The following CACNG2 variants were observed in gnomAD, a reference collection of about 807,000 sequenced individuals.
CACNG2 encodes calcium voltage-gated channel auxiliary subunit gamma 2, also known as voltage-dependent calcium channel gamma-2 subunit.
CACNG2 carries 3 observed loss-of-function variants against 25.9 expected under a neutral mutation model. That is an observed-to-expected ratio of 0.12 (90% CI 0.05 to 0.30). The LOEUF (loss-of-function observed/expected upper bound fraction) is 0.30. Among genes scored for constraint, CACNG2 ranks in the 10% least tolerant of loss-of-function variants. The pLI is 1.00. For synonymous variants in CACNG2, 167 were observed against 173.3 expected, an observed-to-expected ratio of 0.96 and a Z score of 0.29; for missense variants, 341 against 432.5, an observed-to-expected ratio of 0.79 and a Z score of 1.88.
intron 1 of CACNG2, among the ~76,000 whole-genome samples, chr22:36,674,276 G>A (rs1936993979): frequency 1.3e-5 from 2 of 152,210 alleles, no homozygotes; most frequent in South Asian, 4.1e-4. Context: ...CCTCAGCATG[G>A]ACTGGAGATA....
chr22:36,680,742 C>G (rs932597370), intron 1 of CACNG2, among the ~76,000 whole-genome samples: 2 of 147,774 alleles, frequency 1.4e-5, no homozygotes, highest in Non-Finnish European at 3.0e-5. Flanking sequence ...ACCATCACCA[C>G]CACCACTACC....
intron 2 of CACNG2, among the ~76,000 whole-genome samples, chr22:36,581,022 C>T (rs1357661606): frequency 2.0e-5 from 3 of 152,136 alleles, no homozygotes; most frequent in East Asian, 3.9e-4. Flanking sequence ...CATGGATGCA[C>T]GCTTGACATT....
intron 3 of CACNG2, among the ~76,000 whole-genome samples, chr22:36,565,341 T>G (rs1426976738): frequency 6.6e-6 from 1 of 152,244 alleles, no homozygotes; most frequent in South Asian, 2.1e-4. Flanking sequence ...CAGGCTGGCC[T>G]GCGTTCAAAG....
intron 1 of CACNG2, among the ~76,000 whole-genome samples, chr22:36,608,788 A>C (rs141886740): frequency 6.6e-6 from 1 of 152,212 alleles, no homozygotes; most frequent in African/African-American, 2.4e-5. Flanking sequence ...AACTGGAATA[A>C]TATCATTACC....
chr22:36,639,156 C>T (rs763779571), intron 1 of CACNG2, among the ~76,000 whole-genome samples: 35 of 152,246 alleles, frequency 2.3e-4, no homozygotes, highest in Admixed American at 3.3e-4. Context: ...CTTCACTTCA[C>T]TTCTCTGAGC....
chr22:36,661,771 G>T (rs1044737191), intron 1 of CACNG2, among the ~76,000 whole-genome samples: 1 of 152,064 alleles, frequency 6.6e-6, no homozygotes, highest in Non-Finnish European at 1.5e-5. Context: ...GGCCTCATGG[G>T]CCTGGGAAGC....
At chr22:36,626,216 G>A (rs758135800) in intron 1 of CACNG2, among the ~76,000 whole-genome samples, 13 of 152,168 alleles carry the variant, frequency 8.5e-5, no homozygotes, top group Non-Finnish European at 1.5e-4. Context: ...CACCGCACCC[G>A]GCGACACCTT....
chr22:36,601,290 G>A (rs1470816737), intron 1 of CACNG2, among the ~76,000 whole-genome samples: 5 of 151,912 alleles, frequency 3.3e-5, no homozygotes, highest in Non-Finnish European at 5.9e-5. Context: ...ATTTCACTTA[G>A]CGTATTGTCC....
intron 1 of CACNG2, among the ~76,000 whole-genome samples, chr22:36,643,479 T>TCTGC (rs1936473695): frequency 9.4e-6 from 1 of 106,392 alleles, no homozygotes; most frequent in Non-Finnish European, 2.1e-5. Flanking sequence ...TGTCTGTCTA[T>TCTGC]CTATCTATCT....
At chr22:36,673,999 C>T (rs951293065) in intron 1 of CACNG2, among the ~76,000 whole-genome samples, 1 of 152,204 alleles carries the variant, frequency 6.6e-6, no homozygotes. Flanking sequence ...CACGCAATCG[C>T]TGGTGTGCCG....
chr22:36,691,980 T>C (rs550126651), intron 1 of CACNG2, among the ~76,000 whole-genome samples: 30 of 152,174 alleles, frequency 2.0e-4, no homozygotes, highest in African/African-American at 6.5e-4. Flanking sequence ...TTATCAGAGA[T>C]AGAGAGATCC....
intron 1 of CACNG2, among the ~76,000 whole-genome samples, chr22:36,648,144 CA>C (rs1235046986): frequency 6.6e-6 from 1 of 152,176 alleles, no homozygotes; most frequent in East Asian, 1.9e-4. Context: ...CAACATTGCC[CA>C]GCTCGACTAC....
At chr22:36,623,026 T>G (rs1172875085) in intron 1 of CACNG2, among the ~76,000 whole-genome samples, 3 of 140,818 alleles carry the variant, frequency 2.1e-5, no homozygotes, top group Non-Finnish European at 3.1e-5. Flanking sequence ...TTTTTTTTTT[T>G]TTTTTTTTTT....
chr22:36,577,074 G>A (rs555479811), intron 2 of CACNG2, among the ~76,000 whole-genome samples: 2 of 152,194 alleles, frequency 1.3e-5, no homozygotes, highest in Admixed American at 1.3e-4. Context: ...GCTGTGACCT[G>A]GTCCCCCGGG....
At position 36,562,767 on chromosome 22, in the gene CACNG2, T is replaced by C. The variant is rs577904323; in HGVS notation, c.*1584A>G. On this transcript the variant is annotated 3_prime_UTR_variant, in exon 4 of 4. Coordinates refer to ENST00000300105, the MANE Select transcript of CACNG2 (RefSeq NM_006078.5). ...GTGGGGTGTGTGGTCTCTTTCTTTG[T>C]TGGATTCTGTCTTCCCCCATTCGCA... The C allele has an allele frequency of 1.3e-5, 2 of 152,418 alleles. No homozygotes were observed. Among genetic ancestry groups the C allele is most frequent in the East Asian group, 3.9e-4 (2 of 5,176 alleles). The allele number at this position is 152,418 out of a possible 1,614,324, so 9.4% of individuals were successfully genotyped here. A position where few individuals can be genotyped will look rare whatever the true frequency, so the allele number is the denominator to read the frequency against.
At chr22:36,647,704 T>A (rs936221167) in intron 1 of CACNG2, among the ~76,000 whole-genome samples, 3 of 152,254 alleles carry the variant, frequency 2.0e-5, no homozygotes, top group African/African-American at 4.8e-5. Flanking sequence ...ACCTCAGGAC[T>A]TTGCACACCC....
chr22:36,637,792 G>A (rs1425321379), intron 1 of CACNG2, among the ~76,000 whole-genome samples: 2 of 152,156 alleles, frequency 1.3e-5, no homozygotes, highest in African/African-American at 2.4e-5. Context: ...TGCCAAGGCA[G>A]GCAGATCACT....
intron 1 of CACNG2, among the ~76,000 whole-genome samples, chr22:36,617,408 G>A (rs2267350): frequency 0.088 from 13,306 of 151,904 alleles, 802 homozygotes; most frequent in East Asian, 0.23. Flanking sequence ...CTGGTCATTT[G>A]CTCAGAGGAG....
At chr22:36,581,750 T>G (rs1935422352) in intron 2 of CACNG2, among the ~76,000 whole-genome samples, 1 of 152,198 alleles carries the variant, frequency 6.6e-6, no homozygotes, top group African/African-American at 2.4e-5. Flanking sequence ...GTGAGTTCAT[T>G]GAGTTTCATG....
Sources: gnomAD v4.1 joint callset for allele counts (sites outside exome capture counted in the v4.1 genomes callset) on GRCh38, gnomAD v4.1.1 for gene constraint, MANE v1.5 for transcripts, NCBI Gene and HGNC (gene_info 2026-07-23, HGNC 2026-07-21) for gene names.